NSD1: variants seen among roughly 807,000 people sequenced by gnomAD.
The protein encoded by NSD1 is histone-lysine N-methyltransferase, H3 lysine-36 specific.
In NSD1, 26 loss-of-function variants were observed where a neutral mutation model predicts 242.7. The ratio of observed to expected loss-of-function variants is 0.11; its 90% CI spans 0.08 to 0.15. The LOEUF (loss-of-function observed/expected upper bound fraction) is 0.15, where lower values mean the gene tolerates loss of function less well. Among genes scored for constraint, NSD1 ranks in the 10% least tolerant of loss-of-function variants. NSD1 has a pLI of 1.00. For synonymous variants in NSD1, 1,106 were observed against 1,178.1 expected (o/e 0.94, Z 1.25); for missense variants, 2,495 against 3,272.8 (o/e 0.76, Z 5.80).
intron 2 of NSD1, among the ~76,000 whole-genome samples, chr5:177,160,883 C>T (rs1188438802): frequency 6.6e-6 from 1 of 151,940 alleles, no homozygotes; most frequent in East Asian, 1.9e-4. Context: ...GTTCTCATGC[C>T]TCAGCCTCCC....
At chr5:177,218,075 G>A (rs767307445) in intron 5 of NSD1, among the ~76,000 whole-genome samples, 8 of 152,056 alleles carry the variant, frequency 5.3e-5, no homozygotes, top group Admixed American at 3.3e-4. Context: ...ACCATACTCC[G>A]CTGATTTTTA....
At chr5:177,175,217 GCAAATGTGGTCACAGAAGATTTGGA>G (rs1302079050) in intron 2 of NSD1, among the ~76,000 whole-genome samples, 1 of 152,126 alleles carries the variant, frequency 6.6e-6, no homozygotes, top group Non-Finnish European at 1.5e-5. Flanking sequence ...TTAGTTTTGG[GCAAATGTGGTCACAGAAGATTTGGA>G]CAAATGTTGT....
chr5:177,288,485 A>G (rs1015939319), intron 20 of NSD1: 2 of 317,492 alleles, frequency 6.3e-6, no homozygotes, highest in African/African-American at 4.4e-5. Flanking sequence ...GGCCTGACAC[A>G]TTGATAAGTT....
intron 19 of NSD1, 135 bp downstream of exon 19, chr5:177,282,716 G>A (rs1758990142): frequency 1.3e-6 from 1 of 774,968 alleles, no homozygotes; most frequent in African/African-American, 1.7e-5. Context: ...TGCTGGATTG[G>A]GGTTCTGGAG....
intron 2 of NSD1, among the ~76,000 whole-genome samples, chr5:177,142,188 G>A (rs1012906547): frequency 5.3e-5 from 8 of 151,978 alleles, no homozygotes; most frequent in African/African-American, 1.7e-4. Flanking sequence ...ATTTACTTCT[G>A]TGTTCATGAT....
intron 14 of NSD1, among the ~76,000 whole-genome samples, chr5:177,264,169 G>A (rs1038297836): frequency 1.3e-5 from 2 of 151,192 alleles, no homozygotes; most frequent in Non-Finnish European, 2.9e-5. Context: ...CTGAGTAGCT[G>A]GGACTACAGG....
intron 2 of NSD1, among the ~76,000 whole-genome samples, chr5:177,177,866 T>TA (rs1470753784): frequency 6.6e-6 from 1 of 152,182 alleles, no homozygotes; most frequent in Admixed American, 6.6e-5. Context: ...ATTTTTTGCA[T>TA]ATTCTGTTAA....
intron 8 of NSD1, among the ~76,000 whole-genome samples, chr5:177,240,968 A>G (rs1450780132): frequency 1.3e-5 from 2 of 151,824 alleles, no homozygotes; most frequent in African/African-American, 4.8e-5. Context: ...GCAGTGAGCT[A>G]TGATTGCGCT....
intron 17 of NSD1, among the ~76,000 whole-genome samples, chr5:177,278,567 T>A (rs1758586639): frequency 6.6e-6 from 1 of 152,222 alleles, no homozygotes; most frequent in African/African-American, 2.4e-5. Flanking sequence ...GTAAGTGATT[T>A]TAGGTGTACT....
chr5:177,153,213 T>G (rs558563025), intron 2 of NSD1, among the ~76,000 whole-genome samples: 3 of 151,728 alleles, frequency 2.0e-5, no homozygotes, highest in Admixed American at 2.0e-4. Flanking sequence ...TTTCTGTTTT[T>G]TTTTTTTTTA....
At chr5:177,167,485 A>G (rs113239883) in intron 2 of NSD1, among the ~76,000 whole-genome samples, 6,095 of 152,162 alleles carry the variant, frequency 0.04, 407 homozygotes, top group African/African-American at 0.14. Context: ...CGGTGAGCCG[A>G]GATCGCGCCA....
chr5:177,276,612 C>T (rs775401006), intron 17 of NSD1, among the ~76,000 whole-genome samples: 3 of 152,160 alleles, frequency 2.0e-5, no homozygotes, highest in Non-Finnish European at 2.9e-5. Context: ...CGGTGAGCCA[C>T]TGTGCCAGGC....
chr5:177,241,785 T>C (rs1381849454), intron 8 of NSD1, among the ~76,000 whole-genome samples: 1 of 152,200 alleles, frequency 6.6e-6, no homozygotes, highest in African/African-American at 2.4e-5. Flanking sequence ...AAGTCCTGGT[T>C]ACTCTGAGGT....
chr5:177,174,243 A>G, intron 2 of NSD1, among the ~76,000 whole-genome samples: 1 of 152,118 alleles, frequency 6.6e-6, no homozygotes, highest in East Asian at 1.9e-4. Context: ...TGCCCCAGCT[A>G]CTTGGGATGC....
chr5:177,234,687 G>A (rs1464393364), intron 5 of NSD1, among the ~76,000 whole-genome samples: 1 of 152,188 alleles, frequency 6.6e-6, no homozygotes, highest in South Asian at 2.1e-4. Flanking sequence ...CTGCACGCCA[G>A]CCTGGGTGAC....
chr5:177,151,320 G>T (rs1448718474), intron 2 of NSD1, among the ~76,000 whole-genome samples: 2 of 152,204 alleles, frequency 1.3e-5, no homozygotes, highest in African/African-American at 4.8e-5. Context: ...GGAGACGGAG[G>T]TTGCAGTGAG....
At chr5:177,150,062 G>A (rs537576353) in intron 2 of NSD1, among the ~76,000 whole-genome samples, 25 of 151,894 alleles carry the variant, frequency 1.6e-4, no homozygotes, top group South Asian at 1.0e-3. Context: ...TCAGCCTCCC[G>A]AGTAGTTAGG....
chr5:177,211,384 A>C lies in NSD1; in HGVS notation c.2985A>C (p.Leu995=). The change falls in exon 5 of 23, where the codon CTA becomes CTC. Residue 995 remains leucine (L), a synonymous_variant. Coordinates refer to ENST00000439151, the MANE Select transcript of NSD1 (RefSeq NM_022455.5). ...SALSGELSAS[L]PGLLSDKRDL... is the part of the protein sequence containing the mutation. ...TATCTGGCGAGTTGTCTGCTTCCCT[A>C]CCTGGCTTACTGTCCGACAAGAGAG... is the stretch of plus-strand genomic sequence containing the variant. The C allele has an allele frequency of 6.2e-7, 1 of 1,614,072 alleles. No homozygotes were observed. The highest frequency in any genetic ancestry group is 1.1e-5 in the South Asian group (1 of 91,084).
intron 2 of NSD1, among the ~76,000 whole-genome samples, chr5:177,144,112 A>G (rs1229680501): frequency 1.3e-5 from 2 of 152,164 alleles, no homozygotes; most frequent in African/African-American, 4.8e-5. Context: ...ATGAAGTAAT[A>G]CACTGCTGGT....
Sources: allele counts gnomAD v4.1 joint callset (sites outside exome capture counted in the v4.1 genomes callset), GRCh38; gene constraint gnomAD v4.1.1; transcripts MANE v1.5; gene names NCBI Gene and HGNC (gene_info 2026-07-23, HGNC 2026-07-21).